FAM47E: variants seen among roughly 807,000 people sequenced by gnomAD.
FAM47E encodes the protein protein FAM47E.
A neutral mutation model predicts 41.6 loss-of-function variants in FAM47E; 32 were observed. The ratio of observed to expected loss-of-function variants is 0.77; its 90% confidence interval spans 0.58 to 1.03. FAM47E has a LOEUF of 1.03. FAM47E is among the 50% of genes least tolerant of loss of function. FAM47E has a pLI of 0.00. For missense variants in FAM47E, 424 were observed against 485.4 expected, an observed-to-expected ratio of 0.87 and a Z score of 1.19; for synonymous variants, 184 against 188.7, an observed-to-expected ratio of 0.98 and a Z score of 0.20.
chr4:76,256,289 CA>C lies in FAM47E; in HGVS notation c.187del (p.Thr63LeufsTer4). On this transcript the variant is annotated frameshift_variant, in exon 2 of 8. Coordinates refer to ENST00000424749, the MANE Select transcript of FAM47E (RefSeq NM_001136570.3). LOFTEE classifies it high-confidence loss of function. ...DDFRKGCPPCTGLVTQVPVEG... is the reference protein window; with the variant it reads ...DDFRKGCPPCXGLVTQVPVEG... ...ACTTCAGGAAGGGCTGCCCGCCTTG[CA>C]CTGGTCTGGTGACTCAGGTCCCTGT... 6.4e-7 allele frequency: 1 copy of C among 1,551,710 alleles called. No homozygotes were observed. The highest frequency in any genetic ancestry group is 8.7e-7 in the Non-Finnish European group (1 of 1,147,000).
At chr4:76,253,940 T>C (rs1734078320) in intron 1 of FAM47E, among the ~76,000 whole-genome samples, 1 of 151,940 alleles carries the variant, frequency 6.6e-6, no homozygotes, top group Non-Finnish European at 1.5e-5. Context: ...AGCAAGACCC[T>C]GTCTCCTCTC....
At chr4:76,243,254 A>G (rs1411361403) in intron 2 of FAM47E, among the ~76,000 whole-genome samples, 1 of 152,164 alleles carries the variant, frequency 6.6e-6, no homozygotes, top group Admixed American at 6.5e-5. Flanking sequence ...GACTGACTAA[A>G]ACACATATTA....
At chr4:76,243,893 G>A (rs967069262) in intron 2 of FAM47E, among the ~76,000 whole-genome samples, 1 of 151,988 alleles carries the variant, frequency 6.6e-6, no homozygotes, top group Non-Finnish European at 1.5e-5. Flanking sequence ...CCCTCTCCTA[G>A]CCCCATAACC....
chr4:76,233,949 A>C (rs762535361), intron 2 of FAM47E, among the ~76,000 whole-genome samples: 2 of 152,242 alleles, frequency 1.3e-5, no homozygotes, highest in African/African-American at 2.4e-5. Context: ...GGAAAGAAAA[A>C]AAGTTTAAAA....
intron 5 of FAM47E, among the ~76,000 whole-genome samples, chr4:76,277,739 A>C (rs1161554784): frequency 6.6e-6 from 1 of 152,078 alleles, no homozygotes; most frequent in African/African-American, 2.4e-5. Flanking sequence ...CCCTGTGGGG[A>C]TGTATACTAT....
chr4:76,263,835 C>T lies in FAM47E; in HGVS notation c.552C>T (p.Tyr184=), dbSNP rs1352122891. 3.9e-6 allele frequency: 6 copies of T among 1,551,214 alleles called. No homozygotes were observed. The highest frequency in any genetic ancestry group is 5.2e-6 in the Non-Finnish European group (6 of 1,146,646). The change falls in exon 3 of 8, where the codon TAC becomes TAT. Residue 184 remains tyrosine, a synonymous_variant. Transcript: ENST00000424749. ...KLLKKHSTQV[Y]LGPSKKTSVS... is the part of the protein sequence containing the mutation. Reference sequence around the variant, plus strand: ...TAAAAAAACATTCTACCCAAGTCTACCTGGGACCGTGAGTATTGTTCTTAA... The same window carrying T: ...TAAAAAAACATTCTACCCAAGTCTATCTGGGACCGTGAGTATTGTTCTTAA...
Position 76,263,840 on chromosome 4 carries a change from G to C in FAM47E, c.557G>C (p.Gly186Ala), listed in dbSNP as rs1402784556. Residue 186 changes from glycine (G) to alanine (A), a missense_variant, in exon 3 of 8, where the codon GGA (glycine) becomes GCA (alanine). Physicochemically the swap from Gly to Ala is moderately conservative, Grantham distance 60. Transcript: ENST00000424749. ...LKKHSTQVYL[G>A]PSKKTSVSNA... is the part of the protein sequence containing the mutation. ...AAACATTCTACCCAAGTCTACCTGG[G>C]ACCGTGAGTATTGTTCTTAACCCTT... The C allele has an allele frequency of 6.4e-7, 1 of 1,551,042 alleles. No individual in the cohort carries two copies. Among genetic ancestry groups the C allele is most frequent in the Admixed American group, 2.0e-5 (1 of 50,960 alleles).
chr4:76,217,482 C>A, intron 1 of FAM47E: 1 of 407,524 alleles, frequency 2.5e-6, no homozygotes, highest in East Asian at 3.5e-5. Flanking sequence ...TGTCAGAGAG[C>A]GGGTTGTTGA....
chr4:76,214,732 T>C (rs1377152153), intron 1 of FAM47E, among the ~76,000 whole-genome samples: 1 of 152,208 alleles, frequency 6.6e-6, no homozygotes, highest in East Asian at 1.9e-4. Flanking sequence ...CGCCAGCCCT[T>C]TACTAGTTTC....
Position 76,216,800 on chromosome 4 carries a change from T to A in FAM47E, c.-29-779T>A, listed in dbSNP as rs1001243691. ...TTAACACAGCTGACCAGGCTAGCATTTTTAAATGTGTTAACATAAGACAGA... is the reference window on the plus strand; with the variant it reads ...TTAACACAGCTGACCAGGCTAGCATATTTAAATGTGTTAACATAAGACAGA... On this transcript the variant is annotated intron_variant, in intron 1 of 7. Coordinates refer to the FAM47E transcript ENST00000510197. 2.0e-5 allele frequency among the ~76,000 whole-genome samples: 3 copies of A among 152,372 alleles called. No homozygotes were observed. In the South Asian group the frequency reaches 6.2e-4, roughly 32 times the overall value.
rs2110017235 is a variant in FAM47E, at chr4:76,268,761, A to T, written c.662A>T (p.His221Leu). The change falls in exon 4 of 8, where the codon CAT becomes CTT. Residue 221 changes from histidine (H) to leucine (L), a missense_variant. Coordinates refer to ENST00000424749, the MANE Select transcript of FAM47E (RefSeq NM_001136570.3). ...LHENGPRPGL[H>L]ENGISDIDEE... ...GAAAATGGTCCTCGTCCTGGTCTTC[A>T]TGAAAATGTATGCAAAGCAGTTAGT... 6.4e-7 allele frequency: 1 copy of T among 1,551,516 alleles called. No homozygotes were observed. The highest frequency in any genetic ancestry group is 8.7e-7 in the Non-Finnish European group (1 of 1,146,936).
At chr4:76,272,458 T>G (rs1734930814) in intron 5 of FAM47E, among the ~76,000 whole-genome samples, 2 of 152,250 alleles carry the variant, frequency 1.3e-5, no homozygotes. Context: ...AATTGTCTTC[T>G]GCCTTTTACA....
chr4:76,252,932 GGT>G (rs1319208248), intron 1 of FAM47E, among the ~76,000 whole-genome samples: 13 of 152,226 alleles, frequency 8.5e-5, no homozygotes, highest in Admixed American at 8.5e-4. Context: ...CTTGCACTCA[GGT>G]GTGTGAGTTC....
chr4:76,278,143 A>C lies in FAM47E; in HGVS notation c.945A>C (p.Gln315His). ...TGAACCCCAAGTTGTGGAAAAAGCA[A>C]AGAGTAGACGAGCCTCTGGTTGACC... ...WYLNPKLWKK[Q>H]RVDEPLVDPE... Residue 315 changes from glutamine to histidine, a missense_variant, in exon 6 of 8, where the codon CAA becomes CAC. By Grantham distance (24) the Gln-to-His change is conservative. Transcript: ENST00000424749. 6.4e-7 allele frequency: 1 copy of C among 1,551,006 alleles called. No individual in the cohort carries two copies. Among genetic ancestry groups the C allele is most frequent in the Non-Finnish European group, 8.7e-7 (1 of 1,146,840 alleles).
intron 2 of FAM47E, among the ~76,000 whole-genome samples, chr4:76,227,047 T>G (rs1224169314): frequency 3.3e-5 from 5 of 152,158 alleles, no homozygotes; most frequent in Non-Finnish European, 5.9e-5. Context: ...TGACCTTTGT[T>G]ATTTCTTTTC....
upstream of FAM47E, among the ~76,000 whole-genome samples, chr4:76,250,547 C>A (rs898055814): frequency 3.3e-5 from 5 of 152,050 alleles, no homozygotes; most frequent in Non-Finnish European, 7.4e-5. Context: ...TGTGTAGAAG[C>A]TTTTTAGTTT....
At chr4:76,257,764 C>G (rs1464226218) in intron 2 of FAM47E, among the ~76,000 whole-genome samples, 1 of 152,034 alleles carries the variant, frequency 6.6e-6, no homozygotes, top group Non-Finnish European at 1.5e-5. Flanking sequence ...ACTTCCCTTC[C>G]ACCCTCACAT....
Position 76,256,299 on chromosome 4 carries a change from G to A in FAM47E, c.196G>A (p.Val66Met). 4 of 1,551,688 alleles carry A rather than the reference G, an allele frequency of 2.6e-6. No individual in the cohort carries two copies. Among genetic ancestry groups the A allele is most frequent in the Non-Finnish European group, 3.5e-6 (4 of 1,146,996 alleles). The change falls in exon 2 of 8, where the codon GTG (valine) becomes ATG (methionine). Residue 66 changes from valine to methionine, a missense_variant. By Grantham distance (21) the Val-to-Met change is conservative. Coordinates refer to ENST00000424749, the MANE Select transcript of FAM47E (RefSeq NM_001136570.3). The part of the protein sequence containing the change: ...RKGCPPCTGL[V>M]TQVPVEGFLP... ...GGGCTGCCCGCCTTGCACTGGTCTG[G>A]TGACTCAGGTCCCTGTGGAGGGCTT...
chr4:76,229,114 T>G (rs1477649397), intron 2 of FAM47E, among the ~76,000 whole-genome samples: 1 of 152,212 alleles, frequency 6.6e-6, no homozygotes, highest in East Asian at 1.9e-4. Context: ...CTTCTACTTG[T>G]TCTATTGTTG....
Sources: allele counts gnomAD v4.1 joint callset (sites outside exome capture counted in the v4.1 genomes callset), GRCh38; gene constraint gnomAD v4.1.1; transcripts MANE v1.5; gene names NCBI Gene and HGNC (gene_info 2026-07-23, HGNC 2026-07-21).